The following CDH18 variants were observed in gnomAD, a reference collection of about 807,000 sequenced individuals.
CDH18 encodes cadherin 18, also known as cadherin-18.
In CDH18, 31 loss-of-function variants were observed where a neutral mutation model predicts 67.9. The ratio of observed to expected loss-of-function variants is 0.46; its 90% CI spans 0.34 to 0.62. CDH18 has a LOEUF of 0.62. Among genes scored for constraint, CDH18 ranks in the 20% least tolerant of loss-of-function variants. The pLI is 0.01. For missense variants in CDH18, 890 were observed against 975.5 expected, an observed-to-expected ratio of 0.91 and a Z score of 1.17; for synonymous variants, 362 against 347.2, an observed-to-expected ratio of 1.04 and a Z score of -0.48.
chr5:19,684,460 G>A (rs1760780264), intron 5 of CDH18, among the ~76,000 whole-genome samples: 1 of 150,606 alleles, frequency 6.6e-6, no homozygotes, highest in South Asian at 2.1e-4. Context: ...AATAAAATAA[G>A]TTTAACTTAG....
chr5:19,640,009 A>G (rs952206932), intron 5 of CDH18, among the ~76,000 whole-genome samples: 1 of 152,192 alleles, frequency 6.6e-6, no homozygotes, highest in Non-Finnish European at 1.5e-5. Context: ...TCAACATACT[A>G]TACCCAGAGA....
intron 2 of CDH18, among the ~76,000 whole-genome samples, chr5:20,062,306 C>G (rs766304158): frequency 2.1e-4 from 32 of 151,796 alleles, no homozygotes; most frequent in Non-Finnish European, 4.0e-4. Flanking sequence ...TAGGCATGTG[C>G]CATCATGCCT....
chr5:19,734,023 A>C (rs1423950684), intron 4 of CDH18, among the ~76,000 whole-genome samples: 3 of 152,170 alleles, frequency 2.0e-5, no homozygotes, highest in Non-Finnish European at 4.4e-5. Context: ...GGTCCGGCAA[A>C]TGGGGCAAGA....
chr5:19,494,387 A>G (rs551024554), intron 11 of CDH18, among the ~76,000 whole-genome samples: 1 of 152,304 alleles, frequency 6.6e-6, no homozygotes, highest in Admixed American at 6.5e-5. Context: ...GATCCCGTAA[A>G]CATAAGGAAG....
intron 2 of CDH18, among the ~76,000 whole-genome samples, chr5:20,083,510 G>A (rs1406707704): frequency 1.3e-5 from 2 of 152,092 alleles, no homozygotes; most frequent in Non-Finnish European, 2.9e-5. Flanking sequence ...CTTAATGAAT[G>A]AATACTGTGT....
intron 2 of CDH18, among the ~76,000 whole-genome samples, chr5:20,079,442 T>G (rs1399688645): frequency 6.6e-6 from 1 of 152,160 alleles, no homozygotes; most frequent in African/African-American, 2.4e-5. Flanking sequence ...TATAGCACAT[T>G]TTTAAAAATC....
At chr5:19,548,697 G>C (rs1409137532) in intron 8 of CDH18, among the ~76,000 whole-genome samples, 1 of 151,658 alleles carries the variant, frequency 6.6e-6, no homozygotes, top group East Asian at 1.9e-4. Context: ...CAACATTAAG[G>C]AGACAGTGCA....
chr5:19,658,119 T>C (rs1211076670), intron 5 of CDH18, among the ~76,000 whole-genome samples: 1 of 99,698 alleles, frequency 1.0e-5, no homozygotes, highest in Non-Finnish European at 2.7e-5. Context: ...ATATCAAAGT[T>C]ATCTCTTTAT....
chr5:20,516,783 TA>T, intron 1 of CDH18, among the ~76,000 whole-genome samples: 1 of 152,090 alleles, frequency 6.6e-6, no homozygotes, highest in Admixed American at 6.6e-5. Context: ...TATTACCTTG[TA>T]TTTTTTTTCG....
At chr5:19,835,473 T>G (rs1781522402) in intron 3 of CDH18, among the ~76,000 whole-genome samples, 1 of 151,978 alleles carries the variant, frequency 6.6e-6, no homozygotes, top group Non-Finnish European at 1.5e-5. Context: ...GTTTGTTTGT[T>G]TCTCTGTATT....
At chr5:20,147,035 C>T (rs929224062) in intron 2 of CDH18, among the ~76,000 whole-genome samples, 1 of 152,064 alleles carries the variant, frequency 6.6e-6, no homozygotes, top group African/African-American at 2.4e-5. Context: ...AGAGGTTACT[C>T]ACAGTGGAGT....
chr5:20,127,709 G>C (rs1748947162), intron 2 of CDH18, among the ~76,000 whole-genome samples: 1 of 152,082 alleles, frequency 6.6e-6, no homozygotes, highest in Non-Finnish European at 1.5e-5. Context: ...GGTAGCTGCT[G>C]TTCAGTGAGT....
intron 1 of CDH18, among the ~76,000 whole-genome samples, chr5:20,259,716 A>G (rs1744502576): frequency 6.6e-6 from 1 of 152,174 alleles, no homozygotes; most frequent in Non-Finnish European, 1.5e-5. Flanking sequence ...TGAGAAGTCA[A>G]AAGCCATTTG....
chr5:19,515,957 C>T (rs1745916527), intron 10 of CDH18, among the ~76,000 whole-genome samples: 1 of 152,086 alleles, frequency 6.6e-6, no homozygotes, highest in Non-Finnish European at 1.5e-5. Flanking sequence ...CTAGTTTTTG[C>T]CCATTCAGTA....
chr5:19,633,379 T>C (rs1237245041), intron 5 of CDH18, among the ~76,000 whole-genome samples: 2 of 152,214 alleles, frequency 1.3e-5, no homozygotes, highest in African/African-American at 4.8e-5. Context: ...TTGATTGCAT[T>C]ATCAAGTGTT....
intron 3 of CDH18, among the ~76,000 whole-genome samples, chr5:19,802,099 G>T (rs1357240656): frequency 1.3e-5 from 2 of 152,060 alleles, no homozygotes; most frequent in African/African-American, 2.4e-5. Flanking sequence ...ACGTAAAAGA[G>T]AAATGTAATC....
intron 3 of CDH18, among the ~76,000 whole-genome samples, chr5:19,777,141 G>A (rs748891616): frequency 4.6e-5 from 7 of 152,014 alleles, no homozygotes; most frequent in Non-Finnish European, 7.4e-5. Context: ...TTAGCCAGGC[G>A]TGATGGCACA....
chr5:19,838,976 G>C lies in CDH18; in HGVS notation c.11C>G (p.Thr4Ser), dbSNP rs1255787666. 6.2e-7 allele frequency: 1 copy of C among 1,611,052 alleles called. No individual in the cohort carries two copies. The highest frequency in any genetic ancestry group is 1.3e-5 in the African/African-American group (1 of 74,898). ...GACTGGACAGATGCAAGATGTGCTAGTAATTTTCATTGTAAGATAACTTTC... is the reference window on the plus strand; with the variant it reads ...GACTGGACAGATGCAAGATGTGCTACTAATTTTCATTGTAAGATAACTTTC... Reference protein sequence around the residue: MKITSTSCICPVLV... With the variant: MKISSTSCICPVLV... The change falls in exon 3 of 13, where the codon ACT becomes AGT. Residue 4 changes from threonine to serine, a missense_variant. Thr to Ser is a moderately conservative substitution (Grantham distance 58). Transcript: ENST00000382275.
chr5:20,384,016 C>T (rs1303252690), intron 1 of CDH18, among the ~76,000 whole-genome samples: 1 of 151,978 alleles, frequency 6.6e-6, no homozygotes, highest in African/African-American at 2.4e-5. Flanking sequence ...GATAAATTAT[C>T]TAACTTAAAT....
Sources: gnomAD v4.1 joint callset for allele counts (sites outside exome capture counted in the v4.1 genomes callset) on GRCh38, gnomAD v4.1.1 for gene constraint, MANE v1.5 for transcripts, NCBI Gene and HGNC (gene_info 2026-07-23, HGNC 2026-07-21) for gene names.